The following ELL variants were observed in gnomAD, a reference collection of about 807,000 sequenced individuals.
The protein encoded by ELL is elongation factor for RNA polymerase II.
Under a neutral mutation model 64.0 loss-of-function variants are expected in ELL, and 18 were observed. That is an observed-to-expected ratio of 0.28 (90% CI 0.19 to 0.42). The LOEUF (loss-of-function observed/expected upper bound fraction) is 0.42. ELL is among the 10% of genes least tolerant of loss of function. The pLI is 1.00. For synonymous variants in ELL, 399 were observed against 376.2 expected, an observed-to-expected ratio of 1.06 and a Z score of -0.70; for missense variants, 797 against 870.4, an observed-to-expected ratio of 0.92 and a Z score of 1.06.
intron 1 of ELL, 192 bp from the exon 2 acceptor site, chr19:18,473,074 G>A (rs1220323963): frequency 2.6e-5 from 18 of 701,320 alleles, no homozygotes; most frequent in Non-Finnish European, 3.4e-5. Flanking sequence ...AGGATCAGTA[G>A]GAGTTCCTCA....
chr19:18,507,708 C>T (rs1054457208), intron 1 of ELL, among the ~76,000 whole-genome samples: 1 of 152,184 alleles, frequency 6.6e-6, no homozygotes, highest in African/African-American at 2.4e-5. Context: ...TGGAGGCAGC[C>T]GAACCCTCAC....
intron 4 of ELL, among the ~76,000 whole-genome samples, chr19:18,463,975 G>A (rs1974886863): frequency 7.0e-6 from 1 of 141,926 alleles, no homozygotes; most frequent in African/African-American, 2.8e-5. Flanking sequence ...GACAGACCGC[G>A]ACTCCATCTC....
chr19:18,462,898 C>G (rs759450629), intron 4 of ELL, among the ~76,000 whole-genome samples: 9 of 152,184 alleles, frequency 5.9e-5, no homozygotes, highest in Non-Finnish European at 1.2e-4. Flanking sequence ...TAGGCCTGGT[C>G]AAGCTCTCCT....
intron 2 of ELL, chr19:18,470,881 G>T (rs538394667): frequency 2.2e-6 from 1 of 451,736 alleles, no homozygotes; most frequent in East Asian, 7.0e-5. Flanking sequence ...GCCCACAGTC[G>T]TCTGAGCCCA....
intron 1 of ELL, among the ~76,000 whole-genome samples, chr19:18,507,759 T>C (rs1047991524): frequency 4.6e-5 from 7 of 152,166 alleles, no homozygotes; most frequent in Admixed American, 2.0e-4. Flanking sequence ...ACTGTGTAGG[T>C]TGTGCCCCGC....
At position 18,501,819 on chromosome 19, in the gene ELL, C is replaced by G. The variant is rs544787868; in HGVS notation, c.135+20102G>C. ...AGCATCTCCCCCACATCCTCAACCT[C>G]CAGCTACGTGTCTGCGGGTGGGCAG... On this transcript the variant is annotated intron_variant, in intron 1 of 11. Coordinates refer to ENST00000262809, the MANE Select transcript of ELL (RefSeq NM_006532.4). The surrounding 1 kb of genome is among the most constrained non-coding windows in gnomAD (Gnocchi z 4.5). Among the ~76,000 whole-genome samples, 496 of 152,346 alleles carry G rather than the reference C, an allele frequency of 3.3e-3. 2 individuals carry two copies. Among genetic ancestry groups the G allele is most frequent in the African/African-American group, 9.9e-3 (412 of 41,566 alleles).
intron 1 of ELL, among the ~76,000 whole-genome samples, chr19:18,509,789 C>T (rs1399618791): frequency 6.6e-6 from 1 of 152,124 alleles, no homozygotes; most frequent in East Asian, 1.9e-4. Flanking sequence ...CAGGGCTAGG[C>T]CAAGGGCAGC....
intron 8 of ELL, among the ~76,000 whole-genome samples, chr19:18,450,267 G>A (rs895383627): frequency 3.3e-5 from 5 of 152,374 alleles, no homozygotes; most frequent in African/African-American, 7.2e-5. Context: ...AAGTGGCACC[G>A]GGCACTCCAG....
Position 18,444,717 on chromosome 19 carries a change from C to A in ELL, c.*35G>T, listed in dbSNP as rs530881268. 4 of 1,562,950 alleles carry A rather than the reference C, an allele frequency of 2.6e-6. No individual in the cohort carries two copies. The highest frequency in any genetic ancestry group is 3.5e-6 in the Non-Finnish European group (4 of 1,154,918). On this transcript the variant is annotated 3_prime_UTR_variant, in exon 12 of 12. Transcript: ENST00000262809. ...CCTCTCTCACCGCCTTTTGCTCCCCCGACCCTCCCAGATCCCCGCCATCGG... is the reference window on the plus strand; with the variant it reads ...CCTCTCTCACCGCCTTTTGCTCCCCAGACCCTCCCAGATCCCCGCCATCGG...
At chr19:18,491,277 T>C (rs1464124990) in intron 1 of ELL, among the ~76,000 whole-genome samples, 1 of 105,812 alleles carries the variant, frequency 9.5e-6, no homozygotes, top group Non-Finnish European at 1.9e-5. Context: ...TTTTTTTTTT[T>C]TTTTTTTTTT....
chr19:18,473,319 C>G (rs1275389147), intron 1 of ELL: 8 of 419,506 alleles, frequency 1.9e-5, no homozygotes, highest in African/African-American at 1.6e-4. Context: ...CCCAAGGACC[C>G]ATACAGGCAA....
intron 1 of ELL, among the ~76,000 whole-genome samples, chr19:18,511,291 G>A (rs1976017018): frequency 1.3e-5 from 2 of 150,162 alleles, no homozygotes; most frequent in African/African-American, 2.5e-5. Flanking sequence ...TTAACTTGGC[G>A]TGGTGGTGGG....
At chr19:18,474,118 A>G (rs1425771996) in intron 1 of ELL, among the ~76,000 whole-genome samples, 1 of 152,090 alleles carries the variant, frequency 6.6e-6, no homozygotes, top group Non-Finnish European at 1.5e-5. Context: ...CTGTTCCAGG[A>G]CTCCAGCTTG....
At chr19:18,480,461 C>G (rs1975275957) in intron 1 of ELL, among the ~76,000 whole-genome samples, 2 of 152,162 alleles carry the variant, frequency 1.3e-5, no homozygotes, top group African/African-American at 4.8e-5. Flanking sequence ...GCCTAGGGAA[C>G]CAGGTGGCCA....
chr19:18,444,915 T>G (rs768007307), intron 11 of ELL, 47 bp from the exon 12 acceptor site: 2 of 1,559,872 alleles, frequency 1.3e-6, no homozygotes, highest in South Asian at 2.3e-5. Context: ...CCCTGGGTGC[T>G]GCTCCCCGCT....
chr19:18,465,609 C>T (rs1365950903), intron 3 of ELL, 34 bp from the exon 4 acceptor site: 2 of 1,557,588 alleles, frequency 1.3e-6, no homozygotes, highest in South Asian at 2.4e-5. Flanking sequence ...GGGTCAGCAG[C>T]TGGGACAATG....
At chr19:18,485,495 C>T (rs1202071149) in intron 1 of ELL, among the ~76,000 whole-genome samples, 2 of 152,190 alleles carry the variant, frequency 1.3e-5, no homozygotes, top group East Asian at 1.9e-4. Flanking sequence ...AAACAGCTAA[C>T]ACTCCACTAT....
Position 18,501,571 on chromosome 19 carries a change from C to A in ELL, c.135+20350G>T, listed in dbSNP as rs1296403778. Among the ~76,000 whole-genome samples, 1 of 152,160 alleles carries A rather than the reference C, an allele frequency of 6.6e-6. No homozygotes were observed. Among genetic ancestry groups the A allele is most frequent in the Non-Finnish European group, 1.5e-5 (1 of 68,034 alleles). ...ACGGCACAGCCAGCTCAGAGCCAGG[C>A]GGATGAGACGGGGGCCAAGCCAGGG... On this transcript the variant is annotated intron_variant, in intron 1 of 11. Transcript: ENST00000262809. This position sits in a 1 kb window ranked among gnomAD's most constrained non-coding sequence, Gnocchi z 4.5.
At chr19:18,511,805 G>A (rs1976029706) in intron 1 of ELL, among the ~76,000 whole-genome samples, 1 of 151,772 alleles carries the variant, frequency 6.6e-6, no homozygotes, top group Admixed American at 6.6e-5. Context: ...GACTGCTTGA[G>A]CCCAGGAGTT....
Sources: allele counts gnomAD v4.1 joint callset (sites outside exome capture counted in the v4.1 genomes callset), GRCh38; gene constraint gnomAD v4.1.1; non-coding constraint Gnocchi (gnomAD v3.1); transcripts MANE v1.5; gene names NCBI Gene and HGNC (gene_info 2026-07-23, HGNC 2026-07-21).